The following CBL variants were observed in gnomAD, a reference collection of about 807,000 sequenced individuals.
CBL encodes Cbl proto-oncogene, also known as E3 ubiquitin-protein ligase CBL.
In CBL, 45 loss-of-function variants were observed where a neutral mutation model predicts 96.9. The observed-to-expected ratio is 0.46, with a 90% CI of 0.37 to 0.60. The LOEUF is 0.60. CBL is among the 20% of genes least tolerant of loss of function. The probability of loss-of-function intolerance (pLI) is 0.00; values close to 1 mark genes in which losing one functional copy is unlikely to be tolerated. For missense variants in CBL, 1,024 were observed against 1,143.5 expected, an observed-to-expected ratio of 0.90 and a Z score of 1.51; for synonymous variants, 420 against 426.8, an observed-to-expected ratio of 0.98 and a Z score of 0.20.
At chr11:119,280,089 AC>A (rs1949921994) in intron 9 of CBL, among the ~76,000 whole-genome samples, 1 of 152,260 alleles carries the variant, frequency 6.6e-6, no homozygotes, top group African/African-American at 2.4e-5. Flanking sequence ...CAGAAAAAAA[AC>A]CAGCCTCATG....
chr11:119,218,554 A>G (rs1347220427), intron 1 of CBL, among the ~76,000 whole-genome samples: 2 of 152,224 alleles, frequency 1.3e-5, no homozygotes, highest in Non-Finnish European at 2.9e-5. Context: ...CTGAGTAACG[A>G]GGTGAAATCT....
At chr11:119,206,756 G>A in intron 1 of CBL, 144 bp downstream of exon 1, 1 of 861,028 alleles carries the variant, frequency 1.2e-6, no homozygotes, top group South Asian at 1.8e-5. Context: ...ACCGGCCGGG[G>A]GCGTGGGGGC....
At position 119,285,453 on chromosome 11, in the gene CBL, A is replaced by G; in HGVS notation, c.1828A>G (p.Thr610Ala). Residue 610 changes from threonine (T) to alanine (A), a missense_variant, in exon 11 of 16, where the codon ACA becomes GCA. Physicochemically the swap from Thr to Ala is moderately conservative, Grantham distance 58. Transcript: ENST00000264033. ...TGCCCCAAGTTCCAGTGATCCCTGG[A>G]CAGGAAGAGAATTAACCAACCGGCA... ...VSAPSSSDPWTGRELTNRHSL... is the reference protein window; with the variant it reads ...VSAPSSSDPWAGRELTNRHSL... 5 of 1,614,218 alleles carry G rather than the reference A, an allele frequency of 3.1e-6. No homozygotes were observed. Among genetic ancestry groups the G allele is most frequent in the Non-Finnish European group, 4.2e-6 (5 of 1,180,052 alleles).
chr11:119,250,771 TAAAACCCCGTCTCTACTA>T (rs1949664498), intron 2 of CBL, among the ~76,000 whole-genome samples: 2 of 151,988 alleles, frequency 1.3e-5, no homozygotes, highest in African/African-American at 4.8e-5. Flanking sequence ...GCCAACATGG[TAAAACCCCGTCTCTACTA>T]AAAATACAAA....
chr11:119,217,120 C>T (rs543203709), intron 1 of CBL, among the ~76,000 whole-genome samples: 4 of 152,192 alleles, frequency 2.6e-5, no homozygotes, highest in Admixed American at 6.5e-5. Flanking sequence ...TCACCTAGCT[C>T]GTATCTTTTT....
Position 119,301,442 on chromosome 11 carries a change from G to T in CBL, c.*1661G>T, listed in dbSNP as rs886047778. The T allele has an allele frequency of 1.3e-5, 3 of 233,080 alleles. No homozygotes were observed. The East Asian group carries it at 1.8e-4, about 14-fold the overall frequency. The allele number at this position is 233,080 out of a possible 1,614,324, so 14.4% of individuals were successfully genotyped here. A position where few individuals can be genotyped will look rare whatever the true frequency, so the allele number is the denominator to read the frequency against. On this transcript the variant is annotated 3_prime_UTR_variant, in exon 16 of 16. Coordinates refer to ENST00000264033, the MANE Select transcript of CBL (RefSeq NM_005188.4). ...CTTTCTCCATGTCAGAAGCAAGCCT[G>T]CTCTTTGATAAATCTGTCTTCCTGA...
chr11:119,305,892 T>G lies in CBL; in HGVS notation c.*6111T>G. On this transcript the variant is annotated 3_prime_UTR_variant, in exon 16 of 16. Transcript: ENST00000264033. ...AGTTTTTTAAACTACTAGAGTCATT[T>G]GATACACACAGAAGTTACCTAATAA... The G allele has an allele frequency of 4.1e-6, 1 of 246,756 alleles. No homozygotes were observed. Among genetic ancestry groups the G allele is most frequent in the East Asian group, 5.9e-5 (1 of 16,868 alleles). The allele number at this position is 246,756 out of a possible 1,614,324, so 15.3% of individuals were successfully genotyped here. A position where few individuals can be genotyped will look rare whatever the true frequency, so the allele number is the denominator to read the frequency against.
At chr11:119,218,953 C>T (rs1949385300) in intron 1 of CBL, among the ~76,000 whole-genome samples, 1 of 152,186 alleles carries the variant, frequency 6.6e-6, no homozygotes, top group Non-Finnish European at 1.5e-5. Flanking sequence ...CTCAATGGCT[C>T]ATGCCTGTAA....
Position 119,301,135 on chromosome 11 carries a change from C to G in CBL, c.*1354C>G. 4.3e-6 allele frequency: 1 copy of G among 233,314 alleles called. No individual in the cohort carries two copies. The highest frequency in any genetic ancestry group is 8.5e-6 in the Non-Finnish European group (1 of 118,026). The allele number at this position is 233,314 out of a possible 1,614,324, so 14.5% of individuals were successfully genotyped here. On this transcript the variant is annotated 3_prime_UTR_variant, in exon 16 of 16. Transcript: ENST00000264033. ...GCCTGTGGCTTTGGGAATGTAACAT[C>G]TCTTTCCTCCTTTCCTTCCCTTTTC...
rs1454883852 is a variant in CBL, at chr11:119,276,150, A to G, written c.1007+16A>G. The G allele has an allele frequency of 1.2e-6, 2 of 1,613,860 alleles. No individual in the cohort carries two copies. The highest frequency in any genetic ancestry group is 1.1e-5 in the South Asian group (1 of 91,078). On this transcript the variant is annotated intron_variant, in intron 6 of 15. Coordinates refer to ENST00000264033, the MANE Select transcript of CBL (RefSeq NM_005188.4). ...GGGAAGGCTTGTGAGTACCTACTGCATACCATCTGTTAGAGTCTGGGAACT... is the reference window on the plus strand; with the variant it reads ...GGGAAGGCTTGTGAGTACCTACTGCGTACCATCTGTTAGAGTCTGGGAACT...
rs747804658 is a variant in CBL, at chr11:119,299,715, C to T, written c.2655C>T (p.Ile885=). 8.7e-6 allele frequency: 14 copies of T among 1,614,184 alleles called. No individual in the cohort carries two copies. Among genetic ancestry groups the T allele is most frequent in the Middle Eastern group, 1.6e-4 (1 of 6,062 alleles). ...CTTTGGTCATTGCCCAGAACAACATCGAGATGGCCAAAAACATCCTCCGGG... is the reference window on the plus strand; with the variant it reads ...CTTTGGTCATTGCCCAGAACAACATTGAGATGGCCAAAAACATCCTCCGGG... The part of the protein sequence containing the change: ...QKALVIAQNN[I]EMAKNILREF... The change falls in exon 16 of 16, where the codon ATC becomes ATT. Residue 885 remains isoleucine (I), a synonymous_variant. Coordinates refer to ENST00000264033, the MANE Select transcript of CBL (RefSeq NM_005188.4).
chr11:119,307,798 G>A lies in CBL; in HGVS notation c.*8017G>A, dbSNP rs533150203. 103 of 214,254 alleles carry A rather than the reference G, an allele frequency of 4.8e-4. 2 individuals are homozygous for A. The South Asian group carries it at 0.019, about 39-fold the overall frequency. The allele number at this position is 214,254 out of a possible 1,614,324, so 13.3% of individuals were successfully genotyped here. ...ATGAAGAGTCCCAATTTGTATATCA[G>A]TGTTAAGAAGAAAACAAAACAAACA... On this transcript the variant is annotated 3_prime_UTR_variant, in exon 16 of 16. Transcript: ENST00000264033.
intron 2 of CBL, among the ~76,000 whole-genome samples, chr11:119,240,888 C>T (rs1949581816): frequency 6.6e-6 from 1 of 152,040 alleles, no homozygotes; most frequent in Admixed American, 6.6e-5. Context: ...GCCTGGCTAA[C>T]ATCGTGAAAC....
At chr11:119,274,753 G>GTTTTTTTT in intron 4 of CBL, 79 bp from the exon 5 acceptor site, 1 of 1,081,690 alleles carries the variant, frequency 9.2e-7, no homozygotes, top group Non-Finnish European at 1.3e-6. Context: ...AGTTGGTGTT[G>GTTTTTTTT]TTTTTTTTTT....
intron 1 of CBL, among the ~76,000 whole-genome samples, chr11:119,219,499 A>G (rs944401394): frequency 6.6e-6 from 1 of 152,044 alleles, no homozygotes; most frequent in Admixed American, 6.6e-5. Context: ...GATGGAAGAC[A>G]TGCACAGAAA....
intron 2 of CBL, among the ~76,000 whole-genome samples, chr11:119,241,658 G>A (rs1949587420): frequency 6.6e-6 from 1 of 152,172 alleles, no homozygotes; most frequent in Admixed American, 6.5e-5. Flanking sequence ...CAATAAGTGT[G>A]CAAAATTCTT....
At chr11:119,264,428 CTTCTCTTCTCTTCT>C (rs756297615) in intron 2 of CBL, among the ~76,000 whole-genome samples, 11,482 of 105,792 alleles carry the variant, frequency 0.11, 556 homozygotes, top group East Asian at 0.16. Flanking sequence ...CTTCTCTTCT[CTTCTCTTCTCTTCT>C]TTCTCTTCTC....
chr11:119,296,423 G>A (rs1591269447), intron 12 of CBL, among the ~76,000 whole-genome samples: 1 of 152,168 alleles, frequency 6.6e-6, no homozygotes, highest in African/African-American at 2.4e-5. Context: ...CTGGGATCTA[G>A]CCTCAGAATT....
chr11:119,299,419 T>C, intron 15 of CBL, 76 bp from the exon 16 acceptor site: 1 of 1,342,364 alleles, frequency 7.4e-7, no homozygotes, highest in Middle Eastern at 1.8e-4. Context: ...TATCTTGATA[T>C]TAGCACATTT....
Sources: allele counts gnomAD v4.1 joint callset (sites outside exome capture counted in the v4.1 genomes callset), GRCh38; gene constraint gnomAD v4.1.1; transcripts MANE v1.5; gene names NCBI Gene and HGNC (gene_info 2026-07-23, HGNC 2026-07-21).